FAM193A: variants seen among roughly 807,000 people sequenced by gnomAD.
FAM193A encodes protein FAM193A.
A neutral mutation model predicts 126.5 loss-of-function variants in FAM193A; 22 were observed. The ratio of observed to expected loss-of-function variants is 0.17; its 90% CI spans 0.12 to 0.25. The LOEUF (loss-of-function observed/expected upper bound fraction) is 0.25, where lower values mean the gene tolerates loss of function less well. FAM193A is among the 10% of genes least tolerant of loss of function. FAM193A has a pLI of 1.00. For synonymous variants in FAM193A, 761 were observed against 646.8 expected (o/e 1.18, Z -2.68); for missense variants, 1,675 against 1,672.8 (o/e 1.00, Z -0.02).
At chr4:2,633,979 T>C (rs76593502) in intron 5 of FAM193A, among the ~76,000 whole-genome samples, 4,812 of 152,278 alleles carry the variant, frequency 0.032, 236 homozygotes, top group African/African-American at 0.11. Flanking sequence ...AATTGAAAGC[T>C]GGAATCCTGA....
intron 2 of FAM193A, chr4:2,615,325 G>C (rs1170871461): frequency 6.6e-6 from 1 of 151,948 alleles, no homozygotes; most frequent in Non-Finnish European, 1.5e-5. Context: ...TTTCTAATTT[G>C]TTTAATTCTA....
At position 2,668,278 on chromosome 4, in the gene FAM193A, A is replaced by G. The variant is rs186088561; in HGVS notation, c.2080-3843A>G. ...ACCCAGGCTGGAGTGCAGTGGCGCAATCTTGGCTCACTGCAACCTCTGCTT... is the reference window on the plus strand; with the variant it reads ...ACCCAGGCTGGAGTGCAGTGGCGCAGTCTTGGCTCACTGCAACCTCTGCTT... On this transcript the variant is annotated intron_variant, in intron 12 of 20. Transcript: ENST00000637812. Among the ~76,000 whole-genome samples, 762 of 151,122 alleles carry G rather than the reference A, an allele frequency of 5.0e-3. 4 individuals are homozygous for G. Among genetic ancestry groups the G allele is most frequent in the African/African-American group, 0.018 (720 of 41,050 alleles).
At chr4:2,578,959 C>T (rs1739763276) in intron 1 of FAM193A, among the ~76,000 whole-genome samples, 1 of 151,748 alleles carries the variant, frequency 6.6e-6, no homozygotes, top group Non-Finnish European at 1.5e-5. Context: ...GGAAGGCAGG[C>T]ACACAGTGTA....
chr4:2,694,085 T>C (rs1716754388), intron 16 of FAM193A, among the ~76,000 whole-genome samples: 1 of 152,312 alleles, frequency 6.6e-6, no homozygotes, highest in Admixed American at 6.5e-5. Context: ...GCAGGGGCCG[T>C]GGGCCGCCAT....
At chr4:2,697,051 A>G (rs904266355) in intron 18 of FAM193A, among the ~76,000 whole-genome samples, 2 of 152,216 alleles carry the variant, frequency 1.3e-5, no homozygotes, top group African/African-American at 4.8e-5. Context: ...CATGTCCCCC[A>G]TGCTGCTCTT....
chr4:2,649,266 C>T (rs1318699226), intron 7 of FAM193A, among the ~76,000 whole-genome samples: 2 of 151,046 alleles, frequency 1.3e-5, no homozygotes, highest in Non-Finnish European at 2.9e-5. Flanking sequence ...TCCGGCCACT[C>T]CAGAGAGTGA....
intron 1 of FAM193A, among the ~76,000 whole-genome samples, chr4:2,566,962 C>T (rs1728284): frequency 1.4e-5 from 2 of 139,696 alleles, no homozygotes; most frequent in Non-Finnish European, 3.1e-5. Flanking sequence ...TTTTTTGAGA[C>T]GGAGTCTCGC....
chr4:2,720,730 T>C (rs1046180040), intron 20 of FAM193A, among the ~76,000 whole-genome samples: 2 of 151,732 alleles, frequency 1.3e-5, no homozygotes, highest in African/African-American at 4.8e-5. Context: ...GCATTTATAA[T>C]AGCACCAAAA....
chr4:2,693,427 GTAAGAAA>G (rs1395376464), intron 15 of FAM193A, among the ~76,000 whole-genome samples, 152 bp from the exon 16 acceptor site: 5 of 152,248 alleles, frequency 3.3e-5, no homozygotes, highest in African/African-American at 9.6e-5. Flanking sequence ...GTGTGTGCCT[GTAAGAAA>G]TAAAGTTTAT....
chr4:2,627,110 AGAAT>A (rs1277641921), intron 4 of FAM193A, among the ~76,000 whole-genome samples: 1 of 151,616 alleles, frequency 6.6e-6, no homozygotes, highest in Non-Finnish European at 1.5e-5. Flanking sequence ...GTAACCACAC[AGAAT>A]TTGAGGTGGC....
At position 2,639,836 on chromosome 4, in the gene FAM193A, G is replaced by T. The variant is rs1320433206; in HGVS notation, c.1140G>T (p.Leu380Phe). 2 of 1,613,932 alleles carry T rather than the reference G, an allele frequency of 1.2e-6. No individual in the cohort carries two copies. The highest frequency in any genetic ancestry group is 8.5e-7 in the Non-Finnish European group (1 of 1,179,972). ...VFSEPLLQSN[L>F]PALVSQIRLG... ...CGGAGCCACTTCTTCAGAGCAACTT[G>T]CCCGCACTGGTGTCACAGATCAGGT... is the stretch of plus-strand genomic sequence containing the variant. Residue 380 changes from leucine to phenylalanine, a missense_variant, in exon 6 of 21, where the codon TTG becomes TTT. This residue lies in a region of FAM193A where 1,186 missense variants were observed against 1,109.2 expected (regional missense o/e 1.07). Coordinates refer to ENST00000637812, the MANE Select transcript of FAM193A (RefSeq NM_001366318.2).
intron 5 of FAM193A, among the ~76,000 whole-genome samples, chr4:2,631,754 TG>T (rs1293019011): frequency 1.3e-5 from 2 of 152,096 alleles, no homozygotes; most frequent in Non-Finnish European, 2.9e-5. Flanking sequence ...GACACACAGA[TG>T]GGTCCGGTTG....
intron 19 of FAM193A, chr4:2,708,229 G>T (rs369195428): frequency 2.3e-6 from 1 of 437,216 alleles, no homozygotes; most frequent in Admixed American, 2.4e-5. Context: ...AGGTTCAAGC[G>T]ATTGTGCTGC....
intron 1 of FAM193A, among the ~76,000 whole-genome samples, chr4:2,537,927 T>C (rs992748741): frequency 3.3e-5 from 5 of 152,176 alleles, no homozygotes; most frequent in African/African-American, 1.2e-4. Context: ...CTAGCACACA[T>C]TGCACCTACC....
At chr4:2,637,849 C>T (rs1744239835) in intron 5 of FAM193A, among the ~76,000 whole-genome samples, 1 of 152,246 alleles carries the variant, frequency 6.6e-6, no homozygotes, top group South Asian at 2.1e-4. Flanking sequence ...CCATGCTAGG[C>T]ACTCAGGTGT....
intron 4 of FAM193A, among the ~76,000 whole-genome samples, chr4:2,628,181 G>T (rs186873693): frequency 6.8e-6 from 1 of 148,006 alleles, no homozygotes; most frequent in Non-Finnish European, 1.5e-5. Context: ...ACCGCGCCCC[G>T]CCGGGAGTTT....
chr4:2,579,456 G>A (rs1739796839), intron 1 of FAM193A, among the ~76,000 whole-genome samples: 2 of 152,138 alleles, frequency 1.3e-5, no homozygotes, highest in South Asian at 4.1e-4. Flanking sequence ...CCAGCACTTT[G>A]GGAGGCTGAG....
At chr4:2,617,451 A>G (rs1742278679) in intron 2 of FAM193A, among the ~76,000 whole-genome samples, 1 of 149,050 alleles carries the variant, frequency 6.7e-6, no homozygotes, top group Non-Finnish European at 1.5e-5. Flanking sequence ...TTTTTAGTAG[A>G]GGCGGGGTTT....
chr4:2,601,669 G>A (rs964031487), intron 2 of FAM193A, among the ~76,000 whole-genome samples: 5 of 151,256 alleles, frequency 3.3e-5, no homozygotes, highest in African/African-American at 1.2e-4. Context: ...CAGGAGGATT[G>A]CTTGAGGCCA....
Sources: allele counts gnomAD v4.1 joint callset (sites outside exome capture counted in the v4.1 genomes callset), GRCh38; gene constraint gnomAD v4.1.1; regional missense constraint gnomAD v4.1.1; transcripts MANE v1.5; gene names NCBI Gene and HGNC (gene_info 2026-07-23, HGNC 2026-07-21).